PRKAR1B: variants seen among roughly 807,000 people sequenced by gnomAD.
PRKAR1B encodes the protein protein kinase cAMP-dependent type I regulatory subunit beta, also known as cAMP-dependent protein kinase type I-beta regulatory subunit.
In PRKAR1B, 22 loss-of-function variants were observed where a neutral mutation model predicts 46.5. The ratio of observed to expected loss-of-function variants is 0.47; its 90% CI spans 0.34 to 0.68. The LOEUF (loss-of-function observed/expected upper bound fraction) is 0.68, where lower values mean the gene tolerates loss of function less well. PRKAR1B is among the 30% of genes least tolerant of loss of function. PRKAR1B has a pLI of 0.01. For missense variants in PRKAR1B, 445 were observed against 535.6 expected (o/e 0.83, Z 1.67); for synonymous variants, 259 against 217.7 (o/e 1.19, Z -1.67).
At chr7:675,811 T>C (rs981940737) in intron 4 of PRKAR1B, among the ~76,000 whole-genome samples, 3 of 152,088 alleles carry the variant, frequency 2.0e-5, no homozygotes, top group Middle Eastern at 3.2e-3. Context: ...CCGGGCGTGG[T>C]GTCGGGATCC....
At chr7:716,167 C>T (rs1780877591) in intron 1 of PRKAR1B, among the ~76,000 whole-genome samples, 1 of 151,922 alleles carries the variant, frequency 6.6e-6, no homozygotes, top group Non-Finnish European at 1.5e-5. Flanking sequence ...CCCACTTCAA[C>T]ATCCAGAGTA....
chr7:647,621 A>G (rs1290560235), intron 4 of PRKAR1B, among the ~76,000 whole-genome samples: 1 of 151,878 alleles, frequency 6.6e-6, no homozygotes, highest in Non-Finnish European at 1.5e-5. Context: ...CCTGGCTAAC[A>G]CAGTGAAACC....
intron 4 of PRKAR1B, among the ~76,000 whole-genome samples, chr7:623,328 C>T (rs1484488847): frequency 6.6e-6 from 1 of 152,338 alleles, no homozygotes; most frequent in Non-Finnish European, 1.5e-5. Context: ...TGGTTCCTAA[C>T]CACAAACATG....
intron 4 of PRKAR1B, among the ~76,000 whole-genome samples, chr7:625,374 C>T (rs1281006856): frequency 6.6e-6 from 1 of 152,032 alleles, no homozygotes; most frequent in East Asian, 1.9e-4. Flanking sequence ...AAATTAAATC[C>T]AAAGCAACAA....
chr7:671,803 A>G (rs1255580443), intron 4 of PRKAR1B, among the ~76,000 whole-genome samples: 2 of 152,252 alleles, frequency 1.3e-5, no homozygotes, highest in South Asian at 2.1e-4. Flanking sequence ...CTGTCCTACC[A>G]TGTGTTCACC....
intron 4 of PRKAR1B, among the ~76,000 whole-genome samples, chr7:616,163 T>C (rs1222761387): frequency 1.3e-5 from 2 of 152,158 alleles, no homozygotes; most frequent in South Asian, 4.1e-4. Context: ...TGGCTGCAGG[T>C]ACAGGCCCTG....
At chr7:721,860 G>T (rs928272435) in intron 1 of PRKAR1B, among the ~76,000 whole-genome samples, 1 of 152,018 alleles carries the variant, frequency 6.6e-6, no homozygotes, top group Non-Finnish European at 1.5e-5. Flanking sequence ...CTTCTTTCTG[G>T]CCTTTTGTGG....
chr7:579,997 C>G (rs1369192497), intron 8 of PRKAR1B, among the ~76,000 whole-genome samples: 1 of 152,076 alleles, frequency 6.6e-6, no homozygotes, highest in Non-Finnish European at 1.5e-5. Flanking sequence ...ACTCAGGATG[C>G]TAAGGCGGGA....
chr7:583,696 AC>A (rs930666723), intron 8 of PRKAR1B, among the ~76,000 whole-genome samples: 5 of 119,512 alleles, frequency 4.2e-5, no homozygotes, highest in African/African-American at 1.7e-4. Context: ...GTGCACTCAC[AC>A]CCTCACACAC....
intron 4 of PRKAR1B, among the ~76,000 whole-genome samples, chr7:628,905 G>A (rs1366331458): frequency 1.3e-5 from 2 of 151,892 alleles, no homozygotes; most frequent in Non-Finnish European, 1.5e-5. Flanking sequence ...GGTTCGTCGG[G>A]GACGGGGTGG....
rs572899357 is a variant in PRKAR1B at position 711,600 on chromosome 7, G to A, written c.-22-73C>T. The A allele has an allele frequency of 1.6e-5, 22 of 1,363,358 alleles. No homozygotes were observed. The East Asian group carries it at 3.2e-4, about 20-fold the overall frequency. 84.5% of individuals were successfully genotyped at this position (1,363,358 alleles called of 1,614,324 possible). On this transcript the variant is annotated intron_variant, in intron 1 of 10. Coordinates refer to ENST00000537384, the MANE Select transcript of PRKAR1B (RefSeq NM_001164760.2). ...TGCGCGCCGGATAAACGCAGGCGGC[G>A]TGAACCAGGCTTCTCCCAGGAGCGT...
At chr7:623,254 G>A (rs1328210342) in intron 4 of PRKAR1B, among the ~76,000 whole-genome samples, 1 of 152,170 alleles carries the variant, frequency 6.6e-6, no homozygotes, top group Non-Finnish European at 1.5e-5. Context: ...TCCCGGCTGG[G>A]GTGCCAACAG....
chr7:659,065 C>A (rs1785359807), intron 4 of PRKAR1B, among the ~76,000 whole-genome samples: 1 of 145,174 alleles, frequency 6.9e-6, no homozygotes, highest in African/African-American at 2.4e-5. Context: ...CACAGACACT[C>A]TGCGGAGATG....
At chr7:564,245 C>T (rs1452521528) in intron 9 of PRKAR1B, among the ~76,000 whole-genome samples, 2 of 152,166 alleles carry the variant, frequency 1.3e-5, no homozygotes, top group African/African-American at 2.4e-5. Context: ...TCTGGATGGA[C>T]GGGAGGTGGG....
intron 2 of PRKAR1B, among the ~76,000 whole-genome samples, chr7:686,843 G>A (rs1355679124): frequency 6.6e-6 from 1 of 152,110 alleles, no homozygotes; most frequent in African/African-American, 2.4e-5. Context: ...AAGCTGACAG[G>A]CTGAGGTTTC....
chr7:556,287 C>A (rs901339323), intron 9 of PRKAR1B, among the ~76,000 whole-genome samples: 6 of 152,206 alleles, frequency 3.9e-5, no homozygotes, highest in Admixed American at 3.9e-4. Flanking sequence ...TGGAAACCGA[C>A]CCCTCAGAGG....
chr7:614,878 C>T (rs1393380496), intron 4 of PRKAR1B, among the ~76,000 whole-genome samples: 2 of 151,896 alleles, frequency 1.3e-5, no homozygotes, highest in African/African-American at 4.9e-5. Flanking sequence ...CACCACTGCA[C>T]TCCAACCTGG....
intron 9 of PRKAR1B, among the ~76,000 whole-genome samples, chr7:576,792 G>A (rs1779860088): frequency 1.3e-5 from 2 of 152,118 alleles, no homozygotes; most frequent in African/African-American, 4.8e-5. Flanking sequence ...CCGGGAATGA[G>A]GGGCGGGAGA....
intron 4 of PRKAR1B, among the ~76,000 whole-genome samples, chr7:609,091 C>G (rs1231580589): frequency 6.6e-6 from 1 of 151,980 alleles, no homozygotes; most frequent in Non-Finnish European, 1.5e-5. Context: ...GCTGGGGGCC[C>G]TCCACTCTCC....
Sources: allele counts gnomAD v4.1 joint callset (sites outside exome capture counted in the v4.1 genomes callset), GRCh38; gene constraint gnomAD v4.1.1; transcripts MANE v1.5; gene names NCBI Gene and HGNC (gene_info 2026-07-23, HGNC 2026-07-21).